CCDC14: variants seen among roughly 807,000 people sequenced by gnomAD.
CCDC14 encodes coiled-coil domain-containing protein 14.
In CCDC14, 71 loss-of-function variants were observed where a neutral mutation model predicts 81.4. That is an observed-to-expected ratio of 0.87 (90% CI 0.72 to 1.06). The LOEUF is 1.06. Ranked by LOEUF, CCDC14 falls within the 50% of genes least tolerant of loss-of-function variation. The probability of loss-of-function intolerance (pLI) is 0.00; values close to 1 mark genes in which losing one functional copy is unlikely to be tolerated. For synonymous variants in CCDC14, 332 were observed against 364.8 expected (o/e 0.91, Z 1.03); for missense variants, 1,046 against 1,047.3 (o/e 1.00, Z 0.02).
intron 12 of CCDC14, among the ~76,000 whole-genome samples, chr3:123,926,319 T>C (rs1276496386): frequency 6.6e-6 from 1 of 151,956 alleles, no homozygotes. Context: ...TATGAGCACC[T>C]AAACTGTGAC....
At position 123,913,452 on chromosome 3, in the gene CCDC14, T is replaced by G. The variant is rs2034494212; in HGVS notation, c.*1327A>C. On this transcript the variant is annotated 3_prime_UTR_variant, in exon 13 of 13. Transcript: ENST00000409697. ...TTCCTTTTTTATTATTTTTTATTTC[T>G]GAACTTATTTGTTAAAGAGTTGTGG... 7 of 980,304 alleles carry G rather than the reference T, an allele frequency of 7.1e-6. No individual in the cohort carries two copies. The South Asian group carries it at 3.3e-4, about 46-fold the overall frequency. The allele number at this position is 980,304 out of a possible 1,614,324, so 60.7% of individuals were successfully genotyped here.
At chr3:123,907,843 A>G (rs551396826) in intron 5 of CCDC14, among the ~76,000 whole-genome samples, 2 of 151,780 alleles carry the variant, frequency 1.3e-5, no homozygotes, top group African/African-American at 4.8e-5. Flanking sequence ...CTCCTGCTTG[A>G]TAACTCCTGC....
intron 12 of CCDC14, among the ~76,000 whole-genome samples, chr3:123,916,574 A>C (rs2034713726): frequency 6.6e-6 from 1 of 152,046 alleles, no homozygotes; most frequent in Non-Finnish European, 1.5e-5. Context: ...TAGGTACCAG[A>C]AAGGTGTATA....
At chr3:123,890,256 A>G in the CCDC14 span, among the ~76,000 whole-genome samples, 1 of 152,176 alleles carries the variant, frequency 6.6e-6, no homozygotes, top group African/African-American at 2.4e-5. Flanking sequence ...GAGCCAAACC[A>G]TATTATTCTG....
At chr3:123,931,917 C>T (rs910928172) in intron 10 of CCDC14, among the ~76,000 whole-genome samples, 3 of 152,166 alleles carry the variant, frequency 2.0e-5, no homozygotes, top group African/African-American at 4.8e-5. Context: ...TGGTATCTTT[C>T]GTGAAAACAC....
chr3:123,892,512 T>G (rs372355181), downstream of CCDC14, among the ~76,000 whole-genome samples: 1 of 152,226 alleles, frequency 6.6e-6, no homozygotes, highest in East Asian at 1.9e-4. Context: ...TCTTCAATAT[T>G]AATATTTGGC....
At chr3:123,907,108 T>A (rs527654915) in intron 5 of CCDC14, among the ~76,000 whole-genome samples, 1 of 152,234 alleles carries the variant, frequency 6.6e-6, no homozygotes, top group East Asian at 1.9e-4. Flanking sequence ...TAAGTGGTTT[T>A]AGTTTACAGT....
At chr3:123,896,576 C>T (rs1431854589), downstream of CCDC14, among the ~76,000 whole-genome samples, 1 of 152,090 alleles carries the variant, frequency 6.6e-6, no homozygotes, top group Non-Finnish European at 1.5e-5. Flanking sequence ...ATCTCACTTA[C>T]ATGTAGAATC....
chr3:123,938,518 T>C (rs543015730), intron 9 of CCDC14, among the ~76,000 whole-genome samples: 1 of 152,098 alleles, frequency 6.6e-6, no homozygotes, highest in South Asian at 2.1e-4. Flanking sequence ...TAGGATCTTC[T>C]ACAAGAGTTA....
intron 12 of CCDC14, among the ~76,000 whole-genome samples, chr3:123,919,012 G>T (rs1209657558): frequency 2.0e-5 from 3 of 151,672 alleles, no homozygotes; most frequent in African/African-American, 4.8e-5. Flanking sequence ...GTATGCGGTG[G>T]CACCTAAGTG....
intron 9 of CCDC14, among the ~76,000 whole-genome samples, chr3:123,937,789 T>C (rs2036134102): frequency 6.6e-6 from 1 of 151,964 alleles, no homozygotes; most frequent in African/African-American, 2.4e-5. Flanking sequence ...TTTTGTAGTT[T>C]TAGTTTATAC....
intron 12 of CCDC14, among the ~76,000 whole-genome samples, chr3:123,923,040 T>C (rs749081346): frequency 1.3e-5 from 2 of 152,016 alleles, no homozygotes; most frequent in Non-Finnish European, 2.9e-5. Context: ...AACAAAATAC[T>C]AGCAAACCAA....
downstream of CCDC14, among the ~76,000 whole-genome samples, chr3:123,913,107 T>C (rs1161456823): frequency 1.3e-5 from 2 of 152,240 alleles, no homozygotes; most frequent in African/African-American, 4.8e-5. Flanking sequence ...ATGTATTCTA[T>C]CCTTATTGCT....
At chr3:123,956,221 G>A (rs1303639951) in intron 3 of CCDC14, 106 bp from the exon 4 acceptor site, 1 of 1,281,120 alleles carries the variant, frequency 7.8e-7, no homozygotes, top group East Asian at 2.6e-5. Context: ...AACTATTATT[G>A]GTAGAAAAGA....
At chr3:123,894,933 T>C (rs577453652), downstream of CCDC14, among the ~76,000 whole-genome samples, 3 of 152,306 alleles carry the variant, frequency 2.0e-5, no homozygotes, top group South Asian at 4.2e-4. Context: ...CCCTAAACTC[T>C]GGCTAGTGAC....
chr3:123,932,917 G>C (rs550691067), intron 10 of CCDC14, among the ~76,000 whole-genome samples: 2 of 152,082 alleles, frequency 1.3e-5, no homozygotes, highest in South Asian at 4.2e-4. Flanking sequence ...TGGCCAACAT[G>C]ATGAAACCCT....
At chr3:123,921,340 T>C (rs2035032388) in intron 12 of CCDC14, among the ~76,000 whole-genome samples, 1 of 151,918 alleles carries the variant, frequency 6.6e-6, no homozygotes. Context: ...GATGGAAAAA[T>C]ATATTCCATA....
At chr3:123,921,362 G>T (rs367698559) in intron 12 of CCDC14, among the ~76,000 whole-genome samples, 1 of 152,126 alleles carries the variant, frequency 6.6e-6, no homozygotes, top group Non-Finnish European at 1.5e-5. Flanking sequence ...GAAAGGAAAC[G>T]AAGAAAGCAG....
At chr3:123,924,747 A>G (rs1328566077) in intron 12 of CCDC14, among the ~76,000 whole-genome samples, 1 of 152,096 alleles carries the variant, frequency 6.6e-6, no homozygotes, top group East Asian at 1.9e-4. Flanking sequence ...AAAAAGATGA[A>G]AGCTAACAAG....
Sources: gnomAD v4.1 joint callset for allele counts (sites outside exome capture counted in the v4.1 genomes callset) on GRCh38, gnomAD v4.1.1 for gene constraint, MANE v1.5 for transcripts, NCBI Gene and HGNC (gene_info 2026-07-23, HGNC 2026-07-21) for gene names.